INIP: variants seen among roughly 807,000 people sequenced by gnomAD.
INIP encodes the protein INTS3 and NABP interacting protein, also known as SOSS complex subunit C.
A neutral mutation model predicts 14.0 loss-of-function variants in INIP; 9 were observed. The observed-to-expected ratio is 0.64, with a 90% confidence interval of 0.39 to 1.12. The LOEUF (loss-of-function observed/expected upper bound fraction) is 1.12. Ranked by LOEUF, INIP falls within the 50% of genes most tolerant of loss-of-function variation. The pLI is 0.01. For synonymous variants in INIP, 37 were observed against 41.5 expected (o/e 0.89, Z 0.41); for missense variants, 78 against 122.7 (o/e 0.64, Z 1.72).
chr9:112,706,787 T>G (rs976593387), intron 2 of INIP, among the ~76,000 whole-genome samples: 1 of 152,090 alleles, frequency 6.6e-6, no homozygotes, highest in Non-Finnish European at 1.5e-5. Context: ...AAAAATAGTA[T>G]AGAAACAGGG....
intron 2 of INIP, among the ~76,000 whole-genome samples, chr9:112,700,106 C>T (rs1356985825): frequency 6.6e-6 from 1 of 152,028 alleles, no homozygotes; most frequent in Non-Finnish European, 1.5e-5. Flanking sequence ...GGATGTGTGC[C>T]TGGGCTATGT....
At chr9:112,700,502 G>A (rs572772634) in intron 2 of INIP, among the ~76,000 whole-genome samples, 1 of 145,832 alleles carries the variant, frequency 6.9e-6, no homozygotes, top group South Asian at 2.1e-4. Flanking sequence ...TCTCCAAAAA[G>A]ACTTATAAAT....
At chr9:112,706,816 G>A (rs1208766702) in intron 2 of INIP, among the ~76,000 whole-genome samples, 2 of 152,020 alleles carry the variant, frequency 1.3e-5, no homozygotes, top group Non-Finnish European at 2.9e-5. Flanking sequence ...GTGTTGCCCA[G>A]GCTGGTCTTG....
rs1275306363 is a variant in INIP, at chr9:112,687,621, G to A, written c.232C>T (p.His78Tyr). Reference protein sequence around the residue: ...QKAALQHAHAHSSGYFITQDS... With the variant: ...QKAALQHAHAYSSGYFITQDS... The stretch of plus-strand genomic sequence containing the variant: ...TGAGTGATGAAGTATCCAGATGAAT[G>A]TGCATGAGCATGCTGGGAAAGATTA... Residue 78 changes from histidine to tyrosine, a missense_variant, in exon 5 of 5, where the codon CAT (histidine) becomes TAT (tyrosine). By Grantham distance (83) the His-to-Tyr change is moderately conservative. Coordinates refer to ENST00000374242, the MANE Select transcript of INIP (RefSeq NM_021218.3). 1 of 1,559,884 alleles carries A rather than the reference G, an allele frequency of 6.4e-7. No individual in the cohort carries two copies.
At chr9:112,692,196 A>G (rs547321728) in intron 3 of INIP, among the ~76,000 whole-genome samples, 1 of 152,290 alleles carries the variant, frequency 6.6e-6, no homozygotes, top group South Asian at 2.1e-4. Flanking sequence ...TGAGGCATCA[A>G]TAAGTGAGAA....
rs1261636886 is a variant in INIP at position 112,685,995 on chromosome 9, GA to G, written c.*1542del. The G allele has an allele frequency of 6.6e-6, 1 of 152,122 alleles. No individual in the cohort carries two copies. Among genetic ancestry groups the G allele is most frequent in the African/African-American group, 2.4e-5 (1 of 41,424 alleles). 9.4% of individuals were successfully genotyped at this position (152,122 alleles called of 1,614,324 possible). ...TTGAGTAGGATGGGGCTGTGTGTTT[GA>G]AAACATCTAAGGAAGAAAGGGGGGA... is the stretch of plus-strand genomic sequence containing the variant. On this transcript the variant is annotated 3_prime_UTR_variant, in exon 5 of 5. Coordinates refer to ENST00000374242, the MANE Select transcript of INIP (RefSeq NM_021218.3).
intron 2 of INIP, among the ~76,000 whole-genome samples, chr9:112,700,545 T>C (rs912337431): frequency 2.7e-5 from 4 of 146,966 alleles, no homozygotes; most frequent in Non-Finnish European, 3.0e-5. Context: ...ATATTATATA[T>C]ACCTAATTAT....
At chr9:112,690,708 G>A (rs1208534058) in intron 3 of INIP, among the ~76,000 whole-genome samples, 1 of 152,212 alleles carries the variant, frequency 6.6e-6, no homozygotes, top group Non-Finnish European at 1.5e-5. Flanking sequence ...TCTGGTTTAG[G>A]CAAGAGAAAG....
rs897693429 is a variant in INIP, at chr9:112,686,434, G to T, written c.*1104C>A. The T allele has an allele frequency of 6.6e-6, 1 of 152,172 alleles. No individual in the cohort carries two copies. Among genetic ancestry groups the T allele is most frequent in the Admixed American group, 6.6e-5 (1 of 15,260 alleles). 9.4% of individuals were successfully genotyped at this position (152,172 alleles called of 1,614,324 possible). On this transcript the variant is annotated 3_prime_UTR_variant, in exon 5 of 5. Transcript: ENST00000374242. Reference sequence around the variant, plus strand: ...GATACTGCTAAAGATGGGTCATGTTGAGAGACTTTCTTAACCTAATCCCTT... The same window carrying T: ...GATACTGCTAAAGATGGGTCATGTTTAGAGACTTTCTTAACCTAATCCCTT...
chr9:112,689,135 A>G (rs1246088030), intron 4 of INIP, among the ~76,000 whole-genome samples: 1 of 152,194 alleles, frequency 6.6e-6, no homozygotes, highest in Non-Finnish European at 1.5e-5. Flanking sequence ...TTAAAAAAAA[A>G]AATCCAGGCA....
At chr9:112,716,677 T>TCGC (rs1387281146) in intron 1 of INIP, 136 bp from the exon 2 acceptor site, 46 of 350,638 alleles carry the variant, frequency 1.3e-4, no homozygotes, top group African/African-American at 9.9e-4. Context: ...CCGGGCGCGG[T>TCGC]GGCTCACGCC....
At position 112,687,304 on chromosome 9, in the gene INIP, CA is replaced by C; in HGVS notation, c.*233del. 1 of 382,930 alleles carries C rather than the reference CA, an allele frequency of 2.6e-6. No individual in the cohort carries two copies. Among genetic ancestry groups the C allele is most frequent in the Non-Finnish European group, 4.8e-6 (1 of 208,456 alleles). The allele number at this position is 382,930 out of a possible 1,614,324, so 23.7% of individuals were successfully genotyped here. ...TCTGATTGAGAGTTAAACAGCATTA[CA>C]AAAAAGTTACAGTCACGGTACATAA... On this transcript the variant is annotated 3_prime_UTR_variant, in exon 5 of 5. Coordinates refer to ENST00000374242, the MANE Select transcript of INIP (RefSeq NM_021218.3).
At position 112,691,503 on chromosome 9, in the gene INIP, C is replaced by T. The variant is rs538069152; in HGVS notation, c.129-1886G>A. On this transcript the variant is annotated intron_variant, in intron 3 of 4. Coordinates refer to ENST00000374242, the MANE Select transcript of INIP (RefSeq NM_021218.3). ...AAAGGACAGACTAGAGCTGCAAATG[C>T]GTAAGTGATTAGCACGTAAATAACA... is the stretch of plus-strand genomic sequence containing the variant. 2.8e-4 allele frequency among the ~76,000 whole-genome samples: 42 copies of T among 152,254 alleles called. 2 individuals are homozygous for T. Among genetic ancestry groups the T allele is most frequent in the African/African-American group, 1.0e-3 (42 of 41,534 alleles).
Position 112,687,309 on chromosome 9 carries a change from A to C in INIP, c.*229T>G. 1 of 394,600 alleles carries C rather than the reference A, an allele frequency of 2.5e-6. No individual in the cohort carries two copies. The highest frequency in any genetic ancestry group is 4.6e-6 in the Non-Finnish European group (1 of 215,610). 24.4% of individuals were successfully genotyped at this position (394,600 alleles called of 1,614,324 possible). On this transcript the variant is annotated 3_prime_UTR_variant, in exon 5 of 5. Coordinates refer to ENST00000374242, the MANE Select transcript of INIP (RefSeq NM_021218.3). Reference sequence around the variant, plus strand: ...TTGAGAGTTAAACAGCATTACAAAAAAGTTACAGTCACGGTACATAATCAA... The same window carrying C: ...TTGAGAGTTAAACAGCATTACAAAACAGTTACAGTCACGGTACATAATCAA...
At chr9:112,692,476 G>T (rs1837924026) in intron 3 of INIP, among the ~76,000 whole-genome samples, 1 of 151,990 alleles carries the variant, frequency 6.6e-6, no homozygotes, top group African/African-American at 2.4e-5. Context: ...GTAGAGATGG[G>T]TCTTGCCACG....
At chr9:112,688,178 C>T (rs1564219659) in intron 4 of INIP, among the ~76,000 whole-genome samples, 1 of 152,088 alleles carries the variant, frequency 6.6e-6, no homozygotes, top group East Asian at 1.9e-4. Context: ...GACAGTAATA[C>T]AGAATCTGGG....
At chr9:112,687,921 T>C (rs1167887573) in intron 4 of INIP, among the ~76,000 whole-genome samples, 4 of 151,788 alleles carry the variant, frequency 2.6e-5, no homozygotes. Context: ...CCGTCTCTAC[T>C]AAAAATACAA....
chr9:112,716,410 T>G, intron 2 of INIP, 51 bp downstream of exon 2: 2 of 1,533,822 alleles, frequency 1.3e-6, no homozygotes, highest in Non-Finnish European at 1.8e-6. Flanking sequence ...TTCAAATACA[T>G]TTACTATATT....
intron 2 of INIP, 124 bp downstream of exon 2, chr9:112,716,337 C>A: frequency 1.1e-6 from 1 of 871,078 alleles, no homozygotes; most frequent in Non-Finnish European, 1.9e-6. Context: ...CCACCGCTCC[C>A]GGCCTGCTAT....
Sources: allele counts gnomAD v4.1 joint callset (sites outside exome capture counted in the v4.1 genomes callset), GRCh38; gene constraint gnomAD v4.1.1; transcripts MANE v1.5; gene names NCBI Gene and HGNC (gene_info 2026-07-23, HGNC 2026-07-21).